The following ANO4 variants were observed in gnomAD, a reference collection of about 807,000 sequenced individuals.
ANO4 encodes the protein anoctamin 4, also known as anoctamin-4.
Under a neutral mutation model 141.9 loss-of-function variants are expected in ANO4, and 69 were observed. The observed-to-expected ratio is 0.49, with a 90% CI of 0.40 to 0.59. ANO4 has a LOEUF of 0.59. ANO4 is among the 20% of genes least tolerant of loss of function. The probability of loss-of-function intolerance (pLI) is 0.00; values close to 1 mark genes in which losing one functional copy is unlikely to be tolerated. For synonymous variants in ANO4, 350 were observed against 394.3 expected (o/e 0.89, Z 1.33); for missense variants, 894 against 1,162.2 (o/e 0.77, Z 3.36).
intron 9 of ANO4, among the ~76,000 whole-genome samples, chr12:101,034,497 G>A (rs150050203): frequency 7.2e-4 from 110 of 152,258 alleles, no homozygotes; most frequent in African/African-American, 2.6e-3. Context: ...GGGAGTAGGA[G>A]GGTGAGGGGA....
intron 8 of ANO4, among the ~76,000 whole-genome samples, chr12:101,010,185 TACAC>T (rs2046026946): frequency 6.6e-6 from 1 of 152,188 alleles, no homozygotes; most frequent in Non-Finnish European, 1.5e-5. Flanking sequence ...TATTTAAACA[TACAC>T]ACCCACTATG....
At chr12:100,756,651 A>G (rs1045145043) in intron 3 of ANO4, among the ~76,000 whole-genome samples, 2 of 151,992 alleles carry the variant, frequency 1.3e-5, no homozygotes, top group African/African-American at 2.4e-5. Context: ...CCCGGCCTCA[A>G]CTTGTTTTTT....
intron 1 of ANO4, among the ~76,000 whole-genome samples, chr12:100,835,457 C>G (rs936609979): frequency 5.3e-5 from 8 of 152,116 alleles, no homozygotes; most frequent in Non-Finnish European, 1.0e-4. Context: ...AGTCTTCTCT[C>G]TACTCGGTAC....
At chr12:100,999,033 G>A (rs1002195864) in intron 8 of ANO4, among the ~76,000 whole-genome samples, 2 of 152,154 alleles carry the variant, frequency 1.3e-5, no homozygotes, top group Admixed American at 1.3e-4. Flanking sequence ...TAAGAGGTAG[G>A]GCCTGGATTT....
At chr12:100,850,100 T>A (rs185413295) in intron 1 of ANO4, among the ~76,000 whole-genome samples, 2 of 152,378 alleles carry the variant, frequency 1.3e-5, no homozygotes, top group East Asian at 3.9e-4. Context: ...AGTGTTTATC[T>A]ATTAAATTAA....
intron 8 of ANO4, among the ~76,000 whole-genome samples, chr12:101,001,530 A>G (rs1165422547): frequency 1.3e-5 from 2 of 152,348 alleles, no homozygotes; most frequent in East Asian, 3.9e-4. Context: ...GTTACCCAGT[A>G]ACAAATAGAC....
intron 1 of ANO4, among the ~76,000 whole-genome samples, chr12:100,827,146 A>G (rs2036392957): frequency 6.6e-6 from 1 of 152,042 alleles, no homozygotes; most frequent in Non-Finnish European, 1.5e-5. Flanking sequence ...ATAGTAAAAG[A>G]CAAAGTCCTT....
intron 14 of ANO4, among the ~76,000 whole-genome samples, chr12:101,053,634 C>T (rs1243521697): frequency 1.3e-5 from 2 of 152,292 alleles, no homozygotes; most frequent in East Asian, 1.9e-4. Flanking sequence ...TCTGTGTCTT[C>T]ACATGGCTAT....
chr12:100,929,725 C>T (rs188280714), intron 3 of ANO4, among the ~76,000 whole-genome samples: 9 of 152,242 alleles, frequency 5.9e-5, no homozygotes, highest in Admixed American at 4.6e-4. Context: ...TTTACATTCC[C>T]ACCAGCAGTG....
intron 8 of ANO4, among the ~76,000 whole-genome samples, chr12:101,016,789 C>T (rs918004222): frequency 6.6e-6 from 1 of 152,204 alleles, no homozygotes; most frequent in African/African-American, 2.4e-5. Flanking sequence ...TCTTCAATGC[C>T]AGCCAGTGGG....
At chr12:100,912,493 C>T (rs1231063908) in intron 2 of ANO4, among the ~76,000 whole-genome samples, 2 of 150,668 alleles carry the variant, frequency 1.3e-5, no homozygotes, top group Non-Finnish European at 2.9e-5. Context: ...GAGATTGTGC[C>T]ACTGCACTCC....
At chr12:100,747,359 G>A (rs947326886) in intron 3 of ANO4, among the ~76,000 whole-genome samples, 22 of 151,996 alleles carry the variant, frequency 1.4e-4, no homozygotes, top group African/African-American at 4.6e-4. Context: ...AAGACTACAG[G>A]TAACACCTTT....
At chr12:100,860,452 C>T (rs565800587) in intron 1 of ANO4, among the ~76,000 whole-genome samples, 2 of 152,300 alleles carry the variant, frequency 1.3e-5, no homozygotes, top group East Asian at 3.9e-4. Context: ...CTGCCAGCTC[C>T]TATTTTATCT....
At chr12:100,885,573 G>C (rs1478986043) in intron 1 of ANO4, 1 of 152,174 alleles carries the variant, frequency 6.6e-6, no homozygotes, top group Non-Finnish European at 1.5e-5. Flanking sequence ...CTGTAACTCA[G>C]TTTTCTCATC....
chr12:100,775,300 A>G (rs533958328), intron 3 of ANO4, among the ~76,000 whole-genome samples: 1 of 152,338 alleles, frequency 6.6e-6, no homozygotes, highest in Non-Finnish European at 1.5e-5. Flanking sequence ...TAAAAATGAC[A>G]TATAGAGCAT....
intron 5 of ANO4, among the ~76,000 whole-genome samples, chr12:100,967,070 C>T (rs146468416): frequency 4.0e-5 from 6 of 151,504 alleles, no homozygotes; most frequent in African/African-American, 1.5e-4. Flanking sequence ...TCTTGCTGAA[C>T]AAAAGAAAAA....
At chr12:101,105,978 G>A (rs970578966) in intron 22 of ANO4, among the ~76,000 whole-genome samples, 1 of 152,114 alleles carries the variant, frequency 6.6e-6, no homozygotes, top group Non-Finnish European at 1.5e-5. Context: ...TTGGTGGTGC[G>A]TGCCTGTAAT....
chr12:100,866,187 A>G (rs2038745127), intron 1 of ANO4, among the ~76,000 whole-genome samples: 1 of 152,152 alleles, frequency 6.6e-6, no homozygotes, highest in Non-Finnish European at 1.5e-5. Context: ...TCTTTAAGTG[A>G]AAAGTTCCTG....
At chr12:101,065,696 A>T (rs2136762732) in intron 14 of ANO4, among the ~76,000 whole-genome samples, 2 of 152,292 alleles carry the variant, frequency 1.3e-5, no homozygotes, top group Middle Eastern at 6.8e-3. Context: ...AGAAGATCTA[A>T]TAGCAATCCT....
Sources: gnomAD v4.1 joint callset for allele counts (sites outside exome capture counted in the v4.1 genomes callset) on GRCh38, gnomAD v4.1.1 for gene constraint, MANE v1.5 for transcripts, NCBI Gene and HGNC (gene_info 2026-07-23, HGNC 2026-07-21) for gene names.